Variants in CMYA5 observed in about 807,000 individuals in gnomAD.
CMYA5 encodes the protein cardiomyopathy-associated protein 5.
In CMYA5, 246 loss-of-function variants were observed where a neutral mutation model predicts 318.9. The ratio of observed to expected loss-of-function variants is 0.77; its 90% CI spans 0.70 to 0.86. CMYA5 has a LOEUF of 0.86. CMYA5 is among the 40% of genes least tolerant of loss of function. The pLI, the probability that CMYA5 is intolerant of heterozygous loss-of-function variation, is 0.00. For synonymous variants in CMYA5, 1,641 were observed against 1,729.5 expected (o/e 0.95, Z 1.27); for missense variants, 4,589 against 4,678.2 (o/e 0.98, Z 0.56).
At chr5:79,778,937 A>C (rs1829001446) in intron 9 of CMYA5, among the ~76,000 whole-genome samples, 2 of 114,600 alleles carry the variant, frequency 1.7e-5, no homozygotes, top group Non-Finnish European at 3.5e-5. Context: ...TTATACTCTA[A>C]GTTTTAGGGT....
At chr5:79,768,184 C>T (rs1036607552) in intron 9 of CMYA5, among the ~76,000 whole-genome samples, 17 of 151,826 alleles carry the variant, frequency 1.1e-4, no homozygotes, top group African/African-American at 4.1e-4. Flanking sequence ...TATTTTGAGC[C>T]TATATGTGTC....
At position 79,733,721 on chromosome 5, in the gene CMYA5, A is replaced by G. The variant is rs371246243; in HGVS notation, c.4956A>G (p.Ile1652Met). The G allele has an allele frequency of 3.3e-5, 54 of 1,613,902 alleles. No individual in the cohort carries two copies. In the African/African-American group the frequency reaches 6.4e-4, roughly 19 times the overall value. ...SSDLGRQSGS[I>M]GTKQAKSPIT... The stretch of plus-strand genomic sequence containing the variant: ...ATTTAGGTAGACAAAGTGGATCCAT[A>G]GGTACAAAACAAGCAAAGTCTCCCA... The change falls in exon 2 of 13, where the codon ATA becomes ATG. Residue 1652 changes from isoleucine to methionine, a missense_variant. By Grantham distance (10) the Ile-to-Met change is conservative. Around this residue, in one of 3 missense-constraint regions of CMYA5, gnomAD observed 2,132 missense variants for 2,131.3 expected, o/e 1.00. Transcript: ENST00000446378.
chr5:79,797,704 T>C (rs1476100959), intron 12 of CMYA5, among the ~76,000 whole-genome samples: 1 of 152,216 alleles, frequency 6.6e-6, no homozygotes, highest in African/African-American at 2.4e-5. Flanking sequence ...TAGTGGCTAC[T>C]ATATTAGACA....
chr5:79,691,191 G>T (rs71634985), intron 1 of CMYA5, among the ~76,000 whole-genome samples: 1 of 152,208 alleles, frequency 6.6e-6, no homozygotes, highest in Non-Finnish European at 1.5e-5. Flanking sequence ...GAGCTGCCTT[G>T]AAGTAGTGGG....
chr5:79,734,027 G>T lies in CMYA5; in HGVS notation c.5262G>T (p.Glu1754Asp). The change falls in exon 2 of 13, where the codon GAG becomes GAT. Residue 1754 changes from glutamate to aspartate, a missense_variant. Glu to Asp is a conservative substitution (Grantham distance 45). This residue lies in a region of CMYA5 where 2,132 missense variants were observed against 2,131.3 expected (regional missense o/e 1.00). Transcript: ENST00000446378. ...FTFSLKGLSE[E>D]VSHPADFKKG... is the part of the protein sequence containing the mutation. ...TTTCTTTAAAAGGATTATCAGAGGAGGTTAGCCATCCAGCCGACTTTAAAA... is the reference window on the plus strand; with the variant it reads ...TTTCTTTAAAAGGATTATCAGAGGATGTTAGCCATCCAGCCGACTTTAAAA... 6.2e-7 allele frequency: 1 copy of T among 1,613,784 alleles called. No individual in the cohort carries two copies. Among genetic ancestry groups the T allele is most frequent in the Non-Finnish European group, 8.5e-7 (1 of 1,179,836 alleles).
intron 9 of CMYA5, among the ~76,000 whole-genome samples, chr5:79,764,450 CA>C (rs1828712490): frequency 6.6e-6 from 1 of 152,196 alleles, no homozygotes; most frequent in Admixed American, 6.5e-5. Flanking sequence ...CCGCAATAAA[CA>C]TACGTGTGCA....
At chr5:79,771,952 T>A (rs1828863347) in intron 9 of CMYA5, among the ~76,000 whole-genome samples, 1 of 152,150 alleles carries the variant, frequency 6.6e-6, no homozygotes, top group African/African-American at 2.4e-5. Flanking sequence ...GAGAATGCAC[T>A]ACCATTCAAA....
At position 79,758,911 on chromosome 5, in the gene CMYA5, G is replaced by A; in HGVS notation, c.11260+9G>A. ...TGATCAAGAAGTAAATGGTAGGATT[G>A]CTAACACAAATACAAATGCATATGC... On this transcript the variant is annotated intron_variant, in intron 7 of 12. Coordinates refer to ENST00000446378, the MANE Select transcript of CMYA5 (RefSeq NM_153610.5). 1.3e-6 allele frequency: 2 copies of A among 1,560,504 alleles called. No individual in the cohort carries two copies. Among genetic ancestry groups the A allele is most frequent in the Non-Finnish European group, 1.7e-6 (2 of 1,152,852 alleles).
intron 2 of CMYA5, among the ~76,000 whole-genome samples, chr5:79,741,284 A>G (rs1158224115): frequency 6.6e-6 from 1 of 152,194 alleles, no homozygotes; most frequent in East Asian, 1.9e-4. Context: ...TGATTTGCCC[A>G]AGGTCATGGA....
In CMYA5 at chr5:79,746,625, G is replaced by A. The variant is rs867360996; in HGVS notation, c.10969-466G>A. Among the ~76,000 whole-genome samples the A allele has an allele frequency of 1.4e-4, 20 of 140,952 alleles. No homozygotes were observed. In the South Asian group the frequency reaches 4.5e-3, roughly 32 times the overall value. The allele number at this position is 140,952 out of a possible 152,430, so 92.5% of individuals were successfully genotyped here. A position where few individuals can be genotyped will look rare whatever the true frequency, so the allele number is the denominator to read the frequency against. On this transcript the variant is annotated intron_variant, in intron 4 of 12. Coordinates refer to ENST00000446378, the MANE Select transcript of CMYA5 (RefSeq NM_153610.5). ...TCATTTTTTAAAATTGGAAAATATA[G>A]AAAAGCACACAAAATATCACTCAGA...
rs144435471 is a variant in CMYA5 at position 79,690,603 on chromosome 5, T to C, written c.149+547T>C. The stretch of plus-strand genomic sequence containing the variant: ...AAGTCCTGGTCCCAAATCCCAAATA[T>C]CAGTTTCCGTGAATGCGATGAAGTA... On this transcript the variant is annotated intron_variant, in intron 1 of 12. Coordinates refer to ENST00000446378, the MANE Select transcript of CMYA5 (RefSeq NM_153610.5). Among the ~76,000 whole-genome samples, 423 of 152,248 alleles carry C rather than the reference T, an allele frequency of 2.8e-3. 20 individuals carry two copies. In the East Asian group the frequency reaches 0.073, roughly 26 times the overall value.
Position 79,731,510 on chromosome 5 carries a change from G to A in CMYA5, c.2745G>A (p.Glu915=). The A allele has an allele frequency of 1.2e-6, 2 of 1,603,414 alleles. No homozygotes were observed. Among genetic ancestry groups the A allele is most frequent in the African/African-American group, 1.3e-5 (1 of 74,768 alleles). Residue 915 remains glutamate (E), a synonymous_variant, in exon 2 of 13, where the codon GAG becomes GAA. Transcript: ENST00000446378. ...VPPYATPEAQ[E]EEIVHRSLNL... is the part of the protein sequence containing the mutation. ...CATATGCAACACCGGAGGCACAGGAGGAAGAAATTGTCCATAGATCTCTAA... is the reference window on the plus strand; with the variant it reads ...CATATGCAACACCGGAGGCACAGGAAGAAGAAATTGTCCATAGATCTCTAA...
intron 1 of CMYA5, among the ~76,000 whole-genome samples, chr5:79,718,880 G>A (rs891469949): frequency 6.6e-6 from 1 of 152,104 alleles, no homozygotes; most frequent in Non-Finnish European, 1.5e-5. Context: ...ATGCTGTATA[G>A]GGTTGTAGCC....
intron 1 of CMYA5, among the ~76,000 whole-genome samples, chr5:79,706,159 G>C (rs771028104): frequency 3.9e-5 from 6 of 152,140 alleles, no homozygotes. Context: ...CAATGTGCTG[G>C]ATATACCAGC....
chr5:79,733,382 G>GA lies in CMYA5; in HGVS notation c.4620dup (p.Glu1541ArgfsTer3), dbSNP rs1227816364. Reference sequence around the variant, plus strand: ...TCAGCCTATGGGGTGAGATAAAGAAGAAAGAAACTGAACTTCCTTCATCAC... The same window carrying GA: ...TCAGCCTATGGGGTGAGATAAAGAAGAAAAGAAACTGAACTTCCTTCATCAC... On this transcript the variant is annotated frameshift_variant, in exon 2 of 13. Transcript: ENST00000446378. LOFTEE classifies it high-confidence loss of function. 6.2e-7 allele frequency: 1 copy of GA among 1,613,406 alleles called. No homozygotes were observed. Among genetic ancestry groups the GA allele is most frequent in the East Asian group, 2.2e-5 (1 of 44,882 alleles).
At chr5:79,710,717 A>G (rs956451798) in intron 1 of CMYA5, among the ~76,000 whole-genome samples, 1 of 152,176 alleles carries the variant, frequency 6.6e-6, no homozygotes, top group Non-Finnish European at 1.5e-5. Context: ...TTATTTTTAC[A>G]GGTAGGACCT....
chr5:79,768,916 C>A (rs889153067), intron 9 of CMYA5, among the ~76,000 whole-genome samples: 15 of 149,132 alleles, frequency 1.0e-4, no homozygotes, highest in African/African-American at 3.6e-4. Flanking sequence ...TTCTCCCTGT[C>A]ACTTTCAGCT....
At chr5:79,718,572 A>G (rs776115166) in intron 1 of CMYA5, among the ~76,000 whole-genome samples, 1 of 152,182 alleles carries the variant, frequency 6.6e-6, no homozygotes, top group Non-Finnish European at 1.5e-5. Flanking sequence ...AGAATAAAGC[A>G]TCATGCAAAT....
intron 8 of CMYA5, 55 bp downstream of exon 8, chr5:79,762,012 A>G: frequency 1.3e-6 from 2 of 1,542,976 alleles, no homozygotes; most frequent in Non-Finnish European, 1.8e-6. Context: ...TTCTTCACAG[A>G]CTCTTGAGAT....
Sources: gnomAD v4.1 joint callset for allele counts (sites outside exome capture counted in the v4.1 genomes callset) on GRCh38, gnomAD v4.1.1 for gene constraint, gnomAD v4.1.1 regional missense constraint, MANE v1.5 for transcripts, NCBI Gene and HGNC (gene_info 2026-07-23, HGNC 2026-07-21) for gene names.